KLF12: variants seen among roughly 807,000 people sequenced by gnomAD.
KLF12 encodes the protein Krueppel-like factor 12.
KLF12 carries 9 observed loss-of-function variants against 37.8 expected under a neutral mutation model. That is an observed-to-expected ratio of 0.24 (90% CI 0.14 to 0.42). The LOEUF is 0.42. KLF12 is among the 10% of genes least tolerant of loss of function. The pLI is 1.00. For synonymous variants in KLF12, 208 were observed against 202.1 expected, an observed-to-expected ratio of 1.03 and a Z score of -0.25; for missense variants, 411 against 516.0, an observed-to-expected ratio of 0.80 and a Z score of 1.97.
At chr13:74,131,538 A>T (rs569725875) in intron 1 of KLF12, among the ~76,000 whole-genome samples, 1 of 152,350 alleles carries the variant, frequency 6.6e-6, no homozygotes, top group African/African-American at 2.4e-5. Context: ...TGCTGTAAAA[A>T]GAACTTCTGG....
rs143522457 is a variant in KLF12 at position 73,840,729 on chromosome 13, A to G, written c.670+5098T>C. ...AACGGATCATGTCACCCTCCTGTTC[A>G]TTCTGAACCCAGTGGCTTCCCAACA... On this transcript the variant is annotated intron_variant, in intron 4 of 7. Coordinates refer to ENST00000377669, the MANE Select transcript of KLF12 (RefSeq NM_007249.5). Among the ~76,000 whole-genome samples, 223 of 152,294 alleles carry G rather than the reference A, an allele frequency of 1.5e-3. 1 individual carries two copies. The highest frequency in any genetic ancestry group is 5.0e-3 in the African/African-American group (208 of 41,564).
At chr13:74,031,915 T>A (rs1593843978) in intron 1 of KLF12, among the ~76,000 whole-genome samples, 3 of 152,188 alleles carry the variant, frequency 2.0e-5, no homozygotes, top group Non-Finnish European at 4.4e-5. Context: ...TTCCTCTCTC[T>A]ATTAATTATT....
At chr13:74,065,637 C>G (rs1408329671) in intron 1 of KLF12, among the ~76,000 whole-genome samples, 2 of 152,030 alleles carry the variant, frequency 1.3e-5, no homozygotes, top group Admixed American at 1.3e-4. Flanking sequence ...AATCCAGGGA[C>G]AGAGGATCAT....
chr13:73,822,219 C>G (rs1178749079), intron 4 of KLF12, among the ~76,000 whole-genome samples: 1 of 152,204 alleles, frequency 6.6e-6, no homozygotes, highest in Non-Finnish European at 1.5e-5. Flanking sequence ...AGAAAAGTCA[C>G]AATCATTAAA....
intron 2 of KLF12, among the ~76,000 whole-genome samples, chr13:73,977,009 T>C (rs996465496): frequency 6.6e-6 from 1 of 151,504 alleles, no homozygotes; most frequent in Non-Finnish European, 1.5e-5. Context: ...CTTTATCTAT[T>C]AGGCAAATAT....
At chr13:74,012,893 C>T (rs1026211708) in intron 1 of KLF12, among the ~76,000 whole-genome samples, 1 of 152,190 alleles carries the variant, frequency 6.6e-6, no homozygotes, top group Non-Finnish European at 1.5e-5. Flanking sequence ...TATATGACCT[C>T]TACTAACTAT....
In KLF12 at chr13:74,132,195, C is replaced by T. The variant is rs73531282; in HGVS notation, c.-32+1544G>A. ...AGCGTTTCTTAGAAGACGGTATACA[C>T]CCACTCCTCAAAGTGACCACTCCTA... On this transcript the variant is annotated intron_variant, in intron 1 of 7. Coordinates refer to ENST00000377669, the MANE Select transcript of KLF12 (RefSeq NM_007249.5). 1.8e-3 allele frequency among the ~76,000 whole-genome samples: 274 copies of T among 152,282 alleles called. 1 individual carries two copies. The highest frequency in any genetic ancestry group is 6.3e-3 in the African/African-American group (260 of 41,548).
At chr13:74,056,530 G>A (rs1324194595) in intron 1 of KLF12, among the ~76,000 whole-genome samples, 2 of 152,140 alleles carry the variant, frequency 1.3e-5, no homozygotes, top group Non-Finnish European at 2.9e-5. Flanking sequence ...ATGAGAATTC[G>A]ATTTAACATG....
chr13:73,751,284 T>C (rs1878739991), intron 6 of KLF12, among the ~76,000 whole-genome samples: 1 of 152,088 alleles, frequency 6.6e-6, no homozygotes, highest in Non-Finnish European at 1.5e-5. Flanking sequence ...GATCAAATGG[T>C]AGTTATATTT....
At chr13:74,188,126 GA>G in the KLF12 span, among the ~76,000 whole-genome samples, 6 of 151,752 alleles carry the variant, frequency 4.0e-5, no homozygotes, top group African/African-American at 1.4e-4. Context: ...AAAAATAAAA[GA>G]AAAAAAAGTA....
intron 1 of KLF12, among the ~76,000 whole-genome samples, chr13:74,072,102 G>T (rs1874287286): frequency 6.6e-6 from 1 of 151,670 alleles, no homozygotes; most frequent in Non-Finnish European, 1.5e-5. Flanking sequence ...AACTAGAAAT[G>T]CAAATTTACC....
intron 1 of KLF12, among the ~76,000 whole-genome samples, chr13:74,113,274 A>C (rs187347446): frequency 2.0e-5 from 3 of 152,368 alleles, no homozygotes; most frequent in East Asian, 1.9e-4. Flanking sequence ...AATATACTAA[A>C]AAACAAAAAC....
At chr13:74,087,266 G>A (rs1875364063) in intron 1 of KLF12, among the ~76,000 whole-genome samples, 1 of 152,142 alleles carries the variant, frequency 6.6e-6, no homozygotes, top group Admixed American at 6.6e-5. Flanking sequence ...AAAAGTATGT[G>A]ACCGAACGTC....
At chr13:74,114,335 G>A (rs573908538) in intron 1 of KLF12, among the ~76,000 whole-genome samples, 4 of 152,266 alleles carry the variant, frequency 2.6e-5, no homozygotes, top group African/African-American at 9.6e-5. Context: ...TTTAAGGCAT[G>A]TAGGTTTTTT....
chr13:73,941,394 C>T (rs772910423), intron 3 of KLF12, among the ~76,000 whole-genome samples: 1 of 151,894 alleles, frequency 6.6e-6, no homozygotes, highest in Non-Finnish European at 1.5e-5. Context: ...AACTCTATGT[C>T]GTAAAAAATA....
intron 3 of KLF12, among the ~76,000 whole-genome samples, chr13:73,884,122 C>T (rs1246803460): frequency 6.6e-6 from 1 of 152,150 alleles, no homozygotes; most frequent in Non-Finnish European, 1.5e-5. Flanking sequence ...AATATTATGT[C>T]TCGAAATAAG....
At chr13:73,825,437 T>C (rs1883783521) in intron 4 of KLF12, among the ~76,000 whole-genome samples, 2 of 152,242 alleles carry the variant, frequency 1.3e-5, no homozygotes, top group South Asian at 2.1e-4. Context: ...TAGTATACAC[T>C]ATAACACCAA....
chr13:73,752,730 AT>A (rs71115614), intron 6 of KLF12, among the ~76,000 whole-genome samples: 3 of 119,716 alleles, frequency 2.5e-5, no homozygotes, highest in African/African-American at 1.3e-4. Flanking sequence ...CCACATATAT[AT>A]TTTTTTTTTT....
chr13:74,075,073 G>A (rs1312749788), intron 1 of KLF12, among the ~76,000 whole-genome samples: 1 of 152,154 alleles, frequency 6.6e-6, no homozygotes, highest in East Asian at 1.9e-4. Context: ...GGAACAGACA[G>A]TAGGCACTTA....
Sources: gnomAD v4.1 joint callset for allele counts (sites outside exome capture counted in the v4.1 genomes callset) on GRCh38, gnomAD v4.1.1 for gene constraint, MANE v1.5 for transcripts, NCBI Gene and HGNC (gene_info 2026-07-23, HGNC 2026-07-21) for gene names.